PLEKHH2: variants seen among roughly 807,000 people sequenced by gnomAD.
PLEKHH2 encodes pleckstrin homology, MyTH4 and FERM domain containing H2.
A neutral mutation model predicts 187.9 loss-of-function variants in PLEKHH2; 129 were observed. The observed-to-expected ratio is 0.69, with a 90% CI of 0.59 to 0.79. The LOEUF (loss-of-function observed/expected upper bound fraction) is 0.79, where lower values mean the gene tolerates loss of function less well. Ranked by LOEUF, PLEKHH2 falls within the 30% of genes least tolerant of loss-of-function variation. PLEKHH2 has a pLI of 0.00. For missense variants in PLEKHH2, 2,076 were observed against 1,751.2 expected (o/e 1.19, Z -3.31); for synonymous variants, 686 against 605.6 (o/e 1.13, Z -1.95).
chr2:43,685,244 C>T (rs1008648665), intron 3 of PLEKHH2, among the ~76,000 whole-genome samples: 3 of 152,194 alleles, frequency 2.0e-5, no homozygotes, highest in Non-Finnish European at 2.9e-5. Context: ...AAAAGCAGTA[C>T]TCAGCTAAAG....
chr2:43,710,583 A>ATTT lies in PLEKHH2; in HGVS notation c.2301+8_2301+9insTTT. 1.2e-5 allele frequency: 17 copies of ATTT among 1,411,118 alleles called. No homozygotes were observed. Among genetic ancestry groups the ATTT allele is most frequent in the South Asian group, 6.3e-5 (4 of 63,896 alleles). The allele number at this position is 1,411,118 out of a possible 1,614,324, so 87.4% of individuals were successfully genotyped here. Reference sequence around the variant, plus strand: ...AACAAACAAACAGTTCAGGTACTTAACTTTTTTTTTTTTTTTTTTTTTTTT... The same window carrying ATTT: ...AACAAACAAACAGTTCAGGTACTTAATTTCTTTTTTTTTTTTTTTTTTTTTTTT... On this transcript the variant is annotated intron_variant, in intron 14 of 29. Transcript: ENST00000282406.
At chr2:43,731,046 G>C (rs975427198) in intron 18 of PLEKHH2, among the ~76,000 whole-genome samples, 1 of 152,082 alleles carries the variant, frequency 6.6e-6, no homozygotes, top group African/African-American at 2.4e-5. Flanking sequence ...ATCCAAAACA[G>C]GAACATGTCT....
chr2:43,734,973 C>A (rs532801178), intron 19 of PLEKHH2, among the ~76,000 whole-genome samples: 2 of 152,152 alleles, frequency 1.3e-5, no homozygotes, highest in East Asian at 1.9e-4. Context: ...ACCAGCCTGG[C>A]TAACATGGGG....
At chr2:43,684,811 C>G (rs1415740532) in intron 3 of PLEKHH2, among the ~76,000 whole-genome samples, 1 of 144,072 alleles carries the variant, frequency 6.9e-6, no homozygotes. Flanking sequence ...TACTGCTACT[C>G]CCATTACCAA....
At chr2:43,685,099 C>T (rs1277447304) in intron 3 of PLEKHH2, among the ~76,000 whole-genome samples, 1 of 152,200 alleles carries the variant, frequency 6.6e-6, no homozygotes, top group Non-Finnish European at 1.5e-5. Flanking sequence ...CCTTCGCCAT[C>T]TTTAACAATT....
At chr2:43,762,066 T>C (rs1672450215) in intron 27 of PLEKHH2, among the ~76,000 whole-genome samples, 1 of 152,210 alleles carries the variant, frequency 6.6e-6, no homozygotes, top group Non-Finnish European at 1.5e-5. Flanking sequence ...TTCAGTAGTT[T>C]ATCCAAATGC....
At chr2:43,686,159 C>T (rs1309140070) in intron 3 of PLEKHH2, among the ~76,000 whole-genome samples, 1 of 147,120 alleles carries the variant, frequency 6.8e-6, no homozygotes, top group African/African-American at 2.7e-5. Flanking sequence ...TTCCTTCTTC[C>T]TCTTCCTTCT....
At position 43,676,286 on chromosome 2, in the gene PLEKHH2, T is replaced by C. The variant is rs766029326; in HGVS notation, c.124-2577T>C. The C allele has an allele frequency of 1.9e-6, 3 of 1,612,688 alleles. No individual in the cohort carries two copies. Among genetic ancestry groups the C allele is most frequent in the Non-Finnish European group, 2.5e-6 (3 of 1,179,428 alleles). Reference sequence around the variant, plus strand: ...ACCCAGGAAATGCTCCCAAGCAACATACCCTTAAAAAATGATGTCCCACTA... The same window carrying C: ...ACCCAGGAAATGCTCCCAAGCAACACACCCTTAAAAAATGATGTCCCACTA... On this transcript the variant is annotated intron_variant, in intron 2 of 29. Transcript: ENST00000282406.
chr2:43,647,203 G>A (rs1666223496), intron 2 of PLEKHH2, among the ~76,000 whole-genome samples: 1 of 152,164 alleles, frequency 6.6e-6, no homozygotes, highest in African/African-American at 2.4e-5. Flanking sequence ...TTAGGAAACT[G>A]TTGCTTACTA....
At position 43,712,326 on chromosome 2, in the gene PLEKHH2, C is replaced by T. The variant is rs1670006519; in HGVS notation, c.2403C>T (p.Ala801=). 1.2e-6 allele frequency: 2 copies of T among 1,613,984 alleles called. No individual in the cohort carries two copies. The highest frequency in any genetic ancestry group is 1.3e-5 in the African/African-American group (1 of 74,932). The change falls in exon 15 of 30, where the codon GCC becomes GCT. Residue 801 remains alanine, a synonymous_variant. Coordinates refer to ENST00000282406, the MANE Select transcript of PLEKHH2 (RefSeq NM_172069.4). ...VLQNVLRVQA[A]NPLSLQPEGK... is the part of the protein sequence containing the mutation. ...AGAATGTTCTTCGAGTACAAGCTGC[C>T]AACCCACTTTCCCTGCAGCCTGAGG...
rs151235176 is a variant in PLEKHH2 at position 43,718,532 on chromosome 2, C to T, written c.2461-2137C>T. 7.5e-3 allele frequency among the ~76,000 whole-genome samples: 1,106 copies of T among 147,926 alleles called. 15 individuals carry two copies. The highest frequency in any genetic ancestry group is 0.026 in the African/African-American group (1,031 of 39,892). On this transcript the variant is annotated intron_variant, in intron 15 of 29. Transcript: ENST00000282406. ...CAGCCTGGGTGGCAGAGCGAGACTC[C>T]GTCTCAAAAAAAAAAAAAAATTCTA...
chr2:43,642,106 A>C (rs747034611), intron 1 of PLEKHH2, among the ~76,000 whole-genome samples: 1 of 152,210 alleles, frequency 6.6e-6, no homozygotes, highest in South Asian at 2.1e-4. Flanking sequence ...TAATCCATGA[A>C]TATACAATTT....
At position 43,767,121 on chromosome 2, in the gene PLEKHH2, G is replaced by A. The variant is rs1196739870; in HGVS notation, c.*1523G>A. 2.0e-5 allele frequency: 3 copies of A among 152,554 alleles called. No individual in the cohort carries two copies. The highest frequency in any genetic ancestry group is 2.9e-5 in the Non-Finnish European group (2 of 68,016). 9.5% of individuals were successfully genotyped at this position (152,554 alleles called of 1,614,324 possible). On this transcript the variant is annotated 3_prime_UTR_variant, in exon 30 of 30. Coordinates refer to ENST00000282406, the MANE Select transcript of PLEKHH2 (RefSeq NM_172069.4). ...AATGTTCAATTGTAATGGTAATCAT[G>A]AGTATACTTAATTTTATTTATGTAT...
At chr2:43,732,826 C>T (rs1671108851) in intron 19 of PLEKHH2, among the ~76,000 whole-genome samples, 1 of 152,172 alleles carries the variant, frequency 6.6e-6, no homozygotes, top group African/African-American at 2.4e-5. Flanking sequence ...CAACCTAGAT[C>T]AGTGCTATGT....
rs572145378 is a variant in PLEKHH2 at position 43,767,421 on chromosome 2, A to G, written c.*1823A>G. The G allele has an allele frequency of 6.6e-6, 1 of 152,432 alleles. No individual in the cohort carries two copies. Among genetic ancestry groups the G allele is most frequent in the South Asian group, 2.1e-4 (1 of 4,826 alleles). 9.4% of individuals were successfully genotyped at this position (152,432 alleles called of 1,614,324 possible). A position where few individuals can be genotyped will look rare whatever the true frequency, so the allele number is the denominator to read the frequency against. On this transcript the variant is annotated 3_prime_UTR_variant, in exon 30 of 30. Coordinates refer to ENST00000282406, the MANE Select transcript of PLEKHH2 (RefSeq NM_172069.4). ...TAATGACAAAAAGAATATTTTTTAA[A>G]CCCCATCAAAATAGATTTCAATTGA...
intron 15 of PLEKHH2, among the ~76,000 whole-genome samples, chr2:43,718,620 G>T (rs1670327853): frequency 6.6e-6 from 1 of 152,190 alleles, no homozygotes; most frequent in South Asian, 2.1e-4. Flanking sequence ...ATTGGCAAAG[G>T]TCTTCATTAA....
chr2:43,764,038 G>A (rs17031427), intron 28 of PLEKHH2, among the ~76,000 whole-genome samples, 190 bp from the exon 29 acceptor site: 3,952 of 152,124 alleles, frequency 0.026, 116 homozygotes, highest in African/African-American at 0.078. Context: ...AAAGGTAGAT[G>A]ATGCCTAAAT....
intron 1 of PLEKHH2, among the ~76,000 whole-genome samples, chr2:43,641,506 T>TG (rs1665922260): frequency 6.6e-6 from 1 of 151,898 alleles, no homozygotes; most frequent in Non-Finnish European, 1.5e-5. Flanking sequence ...TTGCAATTTT[T>TG]TTTTTTAGCT....
At chr2:43,692,435 A>G in intron 3 of PLEKHH2, 79 bp from the exon 4 acceptor site, 1 of 1,183,976 alleles carries the variant, frequency 8.4e-7, no homozygotes, top group Non-Finnish European at 1.2e-6. Flanking sequence ...TCTACATAAT[A>G]TTAAGGTAAA....
Sources: gnomAD v4.1 joint callset for allele counts (sites outside exome capture counted in the v4.1 genomes callset) on GRCh38, gnomAD v4.1.1 for gene constraint, MANE v1.5 for transcripts, NCBI Gene and HGNC (gene_info 2026-07-23, HGNC 2026-07-21) for gene names.